PCDH7: variants seen among roughly 807,000 people sequenced by gnomAD.
PCDH7 encodes protocadherin 7.
Under a neutral mutation model 58.9 loss-of-function variants are expected in PCDH7, and 17 were observed. The observed-to-expected ratio is 0.29, with a 90% CI of 0.20 to 0.43. PCDH7 has a LOEUF of 0.43. Ranked by LOEUF, PCDH7 falls within the 20% of genes least tolerant of loss-of-function variation. The probability of loss-of-function intolerance (pLI) is 1.00; values close to 1 mark genes in which losing one functional copy is unlikely to be tolerated. For missense variants in PCDH7, 1,274 were observed against 1,441.0 expected (o/e 0.88, Z 1.88); for synonymous variants, 664 against 616.4 (o/e 1.08, Z -1.14).
intron 3 of PCDH7, among the ~76,000 whole-genome samples, chr4:31,085,038 C>A (rs553808607): frequency 6.6e-6 from 1 of 152,102 alleles, no homozygotes; most frequent in Admixed American, 6.5e-5. Context: ...GAGTAATTCA[C>A]GCAGAGCCAG....
At chr4:30,725,353 G>C in intron 1 of PCDH7, 1 of 905,214 alleles carries the variant, frequency 1.1e-6, no homozygotes, top group Non-Finnish European at 1.3e-6. Context: ...GCCAAGTAAT[G>C]AAAATATTCA....
chr4:31,129,843 G>C (rs543123339), intron 3 of PCDH7, among the ~76,000 whole-genome samples: 56 of 152,072 alleles, frequency 3.7e-4, no homozygotes, highest in Non-Finnish European at 6.2e-4. Flanking sequence ...GGCCAGGCTG[G>C]TCTCAAACTC....
intron 1 of PCDH7, among the ~76,000 whole-genome samples, chr4:30,730,594 C>A (rs958802355): frequency 6.6e-6 from 1 of 152,080 alleles, no homozygotes; most frequent in African/African-American, 2.4e-5. Flanking sequence ...TCCCCCACCC[C>A]CCAAGTGTAT....
downstream of PCDH7, chr4:31,143,088 C>G (rs1201590809): frequency 6.5e-6 from 1 of 152,770 alleles, no homozygotes; most frequent in Non-Finnish European, 1.4e-5. Context: ...TCCCAACACT[C>G]ACTTTCTCTT....
intron 3 of PCDH7, among the ~76,000 whole-genome samples, chr4:31,083,103 A>G (rs1213680920): frequency 1.3e-5 from 2 of 152,070 alleles, no homozygotes; most frequent in Non-Finnish European, 1.5e-5. Context: ...GCAAGACTCC[A>G]TCTCAAAAAC....
In PCDH7 at chr4:30,722,622, C is replaced by A; in HGVS notation, c.1200C>A (p.Thr400=). The stretch of plus-strand genomic sequence containing the variant: ...AGCCCCCCAAGACCGACAAGGCCAC[C>A]GTGGTCCTTAACATCAAAGACGAGA... Residue 400 remains threonine, a synonymous_variant, in exon 1 of 2, where the codon ACC becomes ACA. Coordinates refer to ENST00000361762, the Ensembl canonical transcript of PCDH7. The surrounding 1 kb of genome is among the most constrained non-coding windows in gnomAD (Gnocchi z 7.6). The A allele has an allele frequency of 6.2e-7, 1 of 1,613,414 alleles. No homozygotes were observed. The highest frequency in any genetic ancestry group is 8.5e-7 in the Non-Finnish European group (1 of 1,180,044).
chr4:30,801,796 A>G (rs1182094965), intron 1 of PCDH7, among the ~76,000 whole-genome samples: 4 of 152,298 alleles, frequency 2.6e-5, no homozygotes, highest in African/African-American at 9.6e-5. Flanking sequence ...TTGAGAAGTT[A>G]ATAGGAACAG....
In PCDH7 at chr4:31,051,548, A is replaced by G. The variant is rs547377610; in HGVS notation, c.*8-90925A>G. On this transcript the variant is annotated intron_variant, in intron 3 of 3. Transcript: ENST00000509759. Reference sequence around the variant, plus strand: ...TGTTTCCTCATAGTTAGAAGTTGCCATTCTACAATTATATTACAGCTTGAT... The same window carrying G: ...TGTTTCCTCATAGTTAGAAGTTGCCGTTCTACAATTATATTACAGCTTGAT... Among the ~76,000 whole-genome samples the G allele has an allele frequency of 4.6e-5, 7 of 152,288 alleles. No homozygotes were observed. In the East Asian group the frequency reaches 1.4e-3, roughly 29 times the overall value.
intron 3 of PCDH7, among the ~76,000 whole-genome samples, chr4:30,994,019 A>G (rs900846450): frequency 1.3e-5 from 2 of 152,222 alleles, no homozygotes; most frequent in Non-Finnish European, 2.9e-5. Flanking sequence ...CTGTATTATC[A>G]GTAAACATTT....
At chr4:31,120,889 T>C (rs2109323379) in intron 3 of PCDH7, among the ~76,000 whole-genome samples, 1 of 152,334 alleles carries the variant, frequency 6.6e-6, no homozygotes, top group South Asian at 2.1e-4. Context: ...GTTTCTCTTC[T>C]TCATTCAATA....
intron 3 of PCDH7, among the ~76,000 whole-genome samples, chr4:30,962,960 C>T (rs1289498396): frequency 6.6e-6 from 1 of 152,186 alleles, no homozygotes; most frequent in South Asian, 2.1e-4. Flanking sequence ...AGGAAGGTAA[C>T]AAGCCTGAGG....
intron 1 of PCDH7, among the ~76,000 whole-genome samples, chr4:30,785,594 C>T (rs1403876398): frequency 6.6e-6 from 1 of 151,954 alleles, no homozygotes; most frequent in Non-Finnish European, 1.5e-5. Flanking sequence ...AATATACTGT[C>T]AGAGCATTTT....
chr4:30,947,003 C>T (rs1395759201), intron 2 of PCDH7, among the ~76,000 whole-genome samples: 2 of 152,228 alleles, frequency 1.3e-5, no homozygotes, highest in East Asian at 1.9e-4. Flanking sequence ...TGAGCCACTG[C>T]GCCCAGCCTT....
chr4:30,727,114 T>C (rs1490635153), intron 1 of PCDH7, among the ~76,000 whole-genome samples: 2 of 151,964 alleles, frequency 1.3e-5, no homozygotes, highest in Non-Finnish European at 2.9e-5. Context: ...TAGACTGTTG[T>C]ATTCTTTCAA....
chr4:30,789,061 G>A (rs1273103072), intron 1 of PCDH7, among the ~76,000 whole-genome samples: 1 of 152,066 alleles, frequency 6.6e-6, no homozygotes, highest in Non-Finnish European at 1.5e-5. Context: ...GACAGTTGTT[G>A]CTACCTCACC....
At chr4:31,146,787 A>G (rs1025850034), downstream of PCDH7, 3 of 152,188 alleles carry the variant, frequency 2.0e-5, no homozygotes, top group African/African-American at 7.2e-5. Flanking sequence ...AAAATATAAC[A>G]TGGTCAAATG....
intron 3 of PCDH7, among the ~76,000 whole-genome samples, chr4:30,965,004 A>G (rs1421528673): frequency 2.6e-5 from 4 of 152,194 alleles, no homozygotes; most frequent in African/African-American, 9.6e-5. Flanking sequence ...GCTTTTTCAC[A>G]CAAAGCACTT....
At chr4:31,031,551 C>G (rs372456746) in intron 3 of PCDH7, among the ~76,000 whole-genome samples, 7 of 152,232 alleles carry the variant, frequency 4.6e-5, no homozygotes, top group African/African-American at 1.7e-4. Context: ...TGGATGCGGA[C>G]AGATGTTGAT....
chr4:30,905,103 G>T (rs895225570), intron 1 of PCDH7, among the ~76,000 whole-genome samples: 3 of 152,150 alleles, frequency 2.0e-5, no homozygotes, highest in African/African-American at 7.2e-5. Context: ...CTGTTTGAGT[G>T]GATCTTAACA....
Sources: gnomAD v4.1 joint callset for allele counts (sites outside exome capture counted in the v4.1 genomes callset) on GRCh38, gnomAD v4.1.1 for gene constraint, Gnocchi (gnomAD v3.1) non-coding constraint, MANE v1.5 for transcripts, NCBI Gene and HGNC (gene_info 2026-07-23, HGNC 2026-07-21) for gene names.